Variants in FMN2 observed in about 807,000 individuals in gnomAD.
FMN2 encodes formin 2.
In FMN2, 51 loss-of-function variants were observed where a neutral mutation model predicts 142.3. The observed-to-expected ratio is 0.36, with a 90% CI of 0.29 to 0.45. The LOEUF is 0.45. FMN2 is among the 20% of genes least tolerant of loss of function. The probability of loss-of-function intolerance (pLI) is 1.00; values close to 1 mark genes in which losing one functional copy is unlikely to be tolerated. For missense variants in FMN2, 1,936 were observed against 2,122.8 expected (o/e 0.91, Z 1.73); for synonymous variants, 882 against 869.8 (o/e 1.01, Z -0.25).
rs1015128040 is a variant in FMN2, at chr1:240,104,617, G to A, written c.1615+10893G>A. On this transcript the variant is annotated intron_variant, in intron 1 of 17. Transcript: ENST00000319653. Reference sequence around the variant, plus strand: ...GTATATAGTATTTCTGTTTATGTTTGGTTTATACAAATACTCTGAGTTGCA... The same window carrying A: ...GTATATAGTATTTCTGTTTATGTTTAGTTTATACAAATACTCTGAGTTGCA... Among the ~76,000 whole-genome samples, 3 of 151,936 alleles carry A rather than the reference G, an allele frequency of 2.0e-5. No homozygotes were observed. The South Asian group carries it at 6.2e-4, about 32-fold the overall frequency.
chr1:240,293,517 T>C (rs1669862289), intron 7 of FMN2, among the ~76,000 whole-genome samples: 1 of 152,138 alleles, frequency 6.6e-6, no homozygotes, highest in South Asian at 2.1e-4. Context: ...TTCTTACATA[T>C]TATCACAGCA....
At chr1:240,406,105 T>TC (rs1674176391) in intron 15 of FMN2, among the ~76,000 whole-genome samples, 1 of 59,042 alleles carries the variant, frequency 1.7e-5, no homozygotes, top group East Asian at 6.5e-4. Flanking sequence ...GCCTCGGGAG[T>TC]GGGGGAAGCG....
chr1:240,272,451 T>A (rs1669049646), intron 7 of FMN2, among the ~76,000 whole-genome samples: 1 of 152,168 alleles, frequency 6.6e-6, no homozygotes, highest in Admixed American at 6.6e-5. Context: ...GCCCCTTTCA[T>A]AAGTAGAGTT....
At chr1:240,361,139 GTGTA>G (rs1672456766) in intron 14 of FMN2, among the ~76,000 whole-genome samples, 6 of 9,544 alleles carry the variant, frequency 6.3e-4, no homozygotes, top group Non-Finnish European at 5.2e-4. Context: ...ATAAATATAT[GTGTA>G]TATATATATA....
chr1:240,391,742 G>T (rs1364202078), intron 14 of FMN2, among the ~76,000 whole-genome samples: 1 of 151,514 alleles, frequency 6.6e-6, no homozygotes, highest in Non-Finnish European at 1.5e-5. Flanking sequence ...AAACTTTCAG[G>T]TCAAACATAT....
At chr1:240,425,496 T>C (rs75689115) in intron 15 of FMN2, among the ~76,000 whole-genome samples, 4 of 152,312 alleles carry the variant, frequency 2.6e-5, no homozygotes, top group Admixed American at 6.5e-5. Flanking sequence ...ATTCTTTTTT[T>C]CTATACTCAG....
intron 8 of FMN2, among the ~76,000 whole-genome samples, chr1:240,308,423 T>C (rs982748464): frequency 1.3e-5 from 2 of 152,200 alleles, no homozygotes; most frequent in Non-Finnish European, 2.9e-5. Context: ...CAACTCGCTT[T>C]ATTTTGTTGT....
intron 15 of FMN2, among the ~76,000 whole-genome samples, chr1:240,424,638 G>A (rs1021994185): frequency 3.3e-5 from 5 of 152,150 alleles, no homozygotes; most frequent in Admixed American, 1.3e-4. Context: ...ACCTTCACTC[G>A]TAGACCTTAC....
At position 240,334,149 on chromosome 1, in the gene FMN2, C is replaced by T. The variant is rs2103019084; in HGVS notation, c.4685C>T (p.Pro1562Leu). ...KEQCLFPLPE[P>L]QDLFQASQMK... ...CAGTGCCTCTTTCCACTGCCAGAAC[C>T]CCAGGACCTTTTTCAGGCCTCACAG... The change falls in exon 13 of 18, where the codon CCC (proline) becomes CTC (leucine). Residue 1562 changes from proline (P) to leucine (L), a missense_variant. By Grantham distance (98) the Pro-to-Leu change is moderately conservative. Around this residue, in one of 8 missense-constraint regions of FMN2, gnomAD observed 322 missense variants for 401.6 expected, o/e 0.80. Coordinates refer to ENST00000319653, the MANE Select transcript of FMN2 (RefSeq NM_020066.5). The T allele has an allele frequency of 1.9e-6, 3 of 1,609,020 alleles. No individual in the cohort carries two copies. Among genetic ancestry groups the T allele is most frequent in the Middle Eastern group, 1.7e-4 (1 of 6,034 alleles).
At chr1:240,156,942 T>C (rs1188226228) in intron 2 of FMN2, among the ~76,000 whole-genome samples, 2 of 152,212 alleles carry the variant, frequency 1.3e-5, no homozygotes, top group Non-Finnish European at 2.9e-5. Context: ...TTGAGCAAGC[T>C]TTTGAAAGCT....
intron 2 of FMN2, chr1:240,142,984 G>A: frequency 6.3e-7 from 1 of 1,577,912 alleles, no homozygotes; most frequent in Non-Finnish European, 8.7e-7. Context: ...CGAACATCCA[G>A]GAAAGAGAGA....
chr1:240,181,579 C>G (rs954407105), intron 3 of FMN2, among the ~76,000 whole-genome samples: 3 of 152,130 alleles, frequency 2.0e-5, no homozygotes, highest in African/African-American at 7.2e-5. Context: ...TCCTGGCAGT[C>G]CTTTGTTCTC....
At chr1:240,288,372 T>C (rs905746696) in intron 7 of FMN2, among the ~76,000 whole-genome samples, 1 of 152,176 alleles carries the variant, frequency 6.6e-6, no homozygotes, top group Non-Finnish European at 1.5e-5. Flanking sequence ...ACTTTTTCTT[T>C]CCACTGAATC....
intron 1 of FMN2, among the ~76,000 whole-genome samples, chr1:240,111,716 T>C (rs1014377148): frequency 1.3e-5 from 2 of 152,144 alleles, no homozygotes; most frequent in African/African-American, 4.8e-5. Flanking sequence ...TGACTAAGAA[T>C]TTCTTAACCT....
At chr1:240,226,480 C>T (rs1029703837) in intron 6 of FMN2, among the ~76,000 whole-genome samples, 3 of 152,006 alleles carry the variant, frequency 2.0e-5, no homozygotes, top group Non-Finnish European at 4.4e-5. Context: ...TCCAGATAAA[C>T]AAAAACTGAG....
intron 13 of FMN2, among the ~76,000 whole-genome samples, chr1:240,341,171 C>T (rs532400004): frequency 6.6e-6 from 1 of 152,206 alleles, no homozygotes; most frequent in Non-Finnish European, 1.5e-5. Context: ...ATTCTTGTTT[C>T]CAAGATATCT....
chr1:240,095,797 C>A (rs1285030459), intron 1 of FMN2, among the ~76,000 whole-genome samples: 2 of 151,988 alleles, frequency 1.3e-5, no homozygotes, highest in African/African-American at 4.8e-5. Flanking sequence ...TAAGTATTCC[C>A]AAATTTGAAA....
intron 15 of FMN2, among the ~76,000 whole-genome samples, chr1:240,403,272 T>A (rs1212470680): frequency 6.6e-6 from 1 of 152,228 alleles, no homozygotes; most frequent in African/African-American, 2.4e-5. Flanking sequence ...TCCTACAGAT[T>A]AAAACATTTA....
intron 7 of FMN2, among the ~76,000 whole-genome samples, chr1:240,284,095 C>T (rs1427760983): frequency 6.6e-6 from 1 of 152,084 alleles, no homozygotes; most frequent in African/African-American, 2.4e-5. Context: ...ATTTTGGGCC[C>T]TAACATATTT....
Sources: gnomAD v4.1 joint callset for allele counts (sites outside exome capture counted in the v4.1 genomes callset) on GRCh38, gnomAD v4.1.1 for gene constraint, gnomAD v4.1.1 regional missense constraint, MANE v1.5 for transcripts, NCBI Gene and HGNC (gene_info 2026-07-23, HGNC 2026-07-21) for gene names.